Variants in RREB1 observed in about 807,000 individuals in gnomAD.
RREB1 encodes the protein ras-responsive element-binding protein 1.
RREB1 carries 27 observed loss-of-function variants against 117.8 expected under a neutral mutation model. The observed-to-expected ratio is 0.23, with a 90% CI of 0.17 to 0.32. The LOEUF (loss-of-function observed/expected upper bound fraction) is 0.32, where lower values mean the gene tolerates loss of function less well. RREB1 is among the 10% of genes least tolerant of loss of function. The probability of loss-of-function intolerance (pLI) is 1.00; values close to 1 mark genes in which losing one functional copy is unlikely to be tolerated. For synonymous variants in RREB1, 1,298 were observed against 1,026.7 expected, an observed-to-expected ratio of 1.26 and a Z score of -5.05; for missense variants, 2,577 against 2,378.2, an observed-to-expected ratio of 1.08 and a Z score of -1.74.
intron 1 of RREB1, among the ~76,000 whole-genome samples, chr6:7,164,475 C>T (rs572864931): frequency 6.6e-6 from 1 of 152,332 alleles, no homozygotes; most frequent in Admixed American, 6.5e-5. Context: ...AATGCATTAA[C>T]CTCACATATG....
intron 8 of RREB1, 83 bp downstream of exon 8, chr6:7,211,792 C>T: frequency 7.1e-7 from 1 of 1,413,610 alleles, no homozygotes; most frequent in Non-Finnish European, 9.9e-7. Context: ...TTACTCCACA[C>T]CGGGCTCCAG....
chr6:7,110,117 C>G lies in RREB1; in HGVS notation c.-285+2057C>G, dbSNP rs370253214. On this transcript the variant is annotated intron_variant, in intron 1 of 12. Transcript: ENST00000379938. ...CCATTATTTTTGATATTTTTTTTCC[C>G]CTTTATATATGTAGTGGACCCTGCA... Among the ~76,000 whole-genome samples, 253 of 152,084 alleles carry G rather than the reference C, an allele frequency of 1.7e-3. 1 individual carries two copies. The highest frequency in any genetic ancestry group is 5.2e-3 in the African/African-American group (217 of 41,476).
At chr6:7,113,842 G>A (rs576702123) in intron 1 of RREB1, among the ~76,000 whole-genome samples, 2 of 152,310 alleles carry the variant, frequency 1.3e-5, no homozygotes, top group East Asian at 1.9e-4. Flanking sequence ...TTGATGAACT[G>A]TGATGACATG....
chr6:7,146,962 C>A (rs496704), intron 1 of RREB1, among the ~76,000 whole-genome samples: 1 of 152,170 alleles, frequency 6.6e-6, no homozygotes, highest in Non-Finnish European at 1.5e-5. Context: ...CCGTACTTTT[C>A]TTAGTATCTT....
chr6:7,197,612 G>C (rs895583885), intron 6 of RREB1, among the ~76,000 whole-genome samples: 1 of 152,242 alleles, frequency 6.6e-6, no homozygotes, highest in African/African-American at 2.4e-5. Flanking sequence ...GCTGCAGTGA[G>C]CTGAGATCAC....
At chr6:7,163,276 T>G (rs1763757831) in intron 1 of RREB1, among the ~76,000 whole-genome samples, 1 of 152,188 alleles carries the variant, frequency 6.6e-6, no homozygotes, top group African/African-American at 2.4e-5. Flanking sequence ...GTTTGCAGAT[T>G]GGGAGCACTC....
chr6:7,218,134 A>G (rs1339513233), intron 8 of RREB1: 2 of 152,260 alleles, frequency 1.3e-5, no homozygotes, highest in African/African-American at 2.4e-5. Context: ...CTAGGGTTCT[A>G]AGGAAGTGAG....
chr6:7,230,798 T>G lies in RREB1; in HGVS notation c.2699T>G (p.Leu900Arg). The change falls in exon 10 of 13, where the codon CTG becomes CGG. Residue 900 changes from leucine to arginine, a missense_variant. Leu to Arg is a moderately radical substitution (Grantham distance 102, BLOSUM62 -2). Coordinates refer to ENST00000379938, the MANE Select transcript of RREB1 (RefSeq NM_001003699.4). ...TTTGCGGTGGACTTCAATGAGCCCC[T>G]GGACTTCTCGCAGAAGGGCCTGGCC... ...SSFAVDFNEP[L>R]DFSQKGLALV... 6.2e-7 allele frequency: 1 copy of G among 1,614,120 alleles called. No homozygotes were observed. Among genetic ancestry groups the G allele is most frequent in the Non-Finnish European group, 8.5e-7 (1 of 1,179,986 alleles).
intron 8 of RREB1, chr6:7,217,882 G>T (rs77773744): frequency 1.4e-4 from 21 of 152,164 alleles, no homozygotes; most frequent in African/African-American, 5.1e-4. Flanking sequence ...TTCCAGGTGC[G>T]ATTCACTTGG....
chr6:7,108,324 C>CCTCCTCCTT (rs1433341912), intron 1 of RREB1, among the ~76,000 whole-genome samples: 2 of 151,424 alleles, frequency 1.3e-5, no homozygotes, highest in Non-Finnish European at 3.0e-5. Flanking sequence ...CATTCCTCCT[C>CCTCCTCCTT]CTCCTCCTCC....
chr6:7,244,884 T>C (rs1218447055), intron 11 of RREB1, among the ~76,000 whole-genome samples: 3 of 152,164 alleles, frequency 2.0e-5, no homozygotes, highest in African/African-American at 7.2e-5. Flanking sequence ...TGGCAAATCA[T>C]CAAGCATGTG....
intron 8 of RREB1, among the ~76,000 whole-genome samples, chr6:7,224,370 A>G (rs1767455832): frequency 6.6e-6 from 1 of 152,224 alleles, no homozygotes; most frequent in Non-Finnish European, 1.5e-5. Flanking sequence ...TTGTGAATAT[A>G]TCAAATATCT....
chr6:7,246,900 A>T lies in RREB1; in HGVS notation c.4450A>T (p.Ser1484Cys). The T allele has an allele frequency of 6.4e-7, 1 of 1,553,686 alleles. No individual in the cohort carries two copies. Among genetic ancestry groups the T allele is most frequent in the Non-Finnish European group, 8.7e-7 (1 of 1,149,152 alleles). The change falls in exon 12 of 13, where the codon AGC (serine) becomes TGC (cysteine). Residue 1484 changes from serine (S) to cysteine (C), a missense_variant. Transcript: ENST00000379938. ...CAAGGACGAGAAGGGAGATGGCGCC[A>T]GCACTGCAGAGGAGGGGCCCCAGCC... is the stretch of plus-strand genomic sequence containing the variant. ...EPKDEKGDGA[S>C]TAEEGPQPAP...
chr6:7,115,887 C>T (rs937089975), intron 1 of RREB1, among the ~76,000 whole-genome samples: 2 of 152,142 alleles, frequency 1.3e-5, no homozygotes, highest in Middle Eastern at 3.2e-3. Context: ...GTCTTACTGC[C>T]GTCCTGACGT....
intron 10 of RREB1, 63 bp downstream of exon 10, chr6:7,231,970 G>T (rs1362037460): frequency 6.7e-7 from 1 of 1,490,584 alleles, no homozygotes; most frequent in Non-Finnish European, 9.0e-7. Flanking sequence ...AGCCACGAGT[G>T]GGGGTCAAAA....
intron 1 of RREB1, chr6:7,108,515 A>G (rs989111279): frequency 6.6e-6 from 1 of 151,536 alleles, no homozygotes; most frequent in African/African-American, 2.4e-5. Context: ...CACCGCCGGG[A>G]CTCGGATGGT....
intron 1 of RREB1, among the ~76,000 whole-genome samples, chr6:7,146,349 A>G (rs986622965): frequency 1.3e-5 from 2 of 151,890 alleles, no homozygotes; most frequent in Admixed American, 6.6e-5. Context: ...GACCGGGGGT[A>G]GATGGCCTGA....
chr6:7,158,685 C>G (rs639854), intron 1 of RREB1, among the ~76,000 whole-genome samples: 19,295 of 152,200 alleles, frequency 0.13, 1,368 homozygotes, highest in African/African-American at 0.17. Context: ...TACCTCTTAC[C>G]AAGTGGTAAG....
chr6:7,140,905 T>A (rs1000176596), intron 1 of RREB1: 1 of 152,230 alleles, frequency 6.6e-6, no homozygotes, highest in Non-Finnish European at 1.5e-5. Context: ...GACGGCCTTT[T>A]CACCCTGTTC....
Sources: gnomAD v4.1 joint callset for allele counts (sites outside exome capture counted in the v4.1 genomes callset) on GRCh38, gnomAD v4.1.1 for gene constraint, MANE v1.5 for transcripts, NCBI Gene and HGNC (gene_info 2026-07-23, HGNC 2026-07-21) for gene names.